FGF12: variants seen among roughly 807,000 people sequenced by gnomAD.
FGF12 encodes fibroblast growth factor 12B.
FGF12 carries 14 observed loss-of-function variants against 23.6 expected under a neutral mutation model. The ratio of observed to expected loss-of-function variants is 0.59; its 90% CI spans 0.39 to 0.93. FGF12 has a LOEUF of 0.93. FGF12 is among the 40% of genes least tolerant of loss of function. The probability of loss-of-function intolerance (pLI) is 0.00; values close to 1 mark genes in which losing one functional copy is unlikely to be tolerated. For synonymous variants in FGF12, 62 were observed against 77.3 expected (o/e 0.80, Z 1.04); for missense variants, 175 against 217.8 (o/e 0.80, Z 1.24).
chr3:192,215,671 T>C (rs777534781), intron 4 of FGF12, among the ~76,000 whole-genome samples: 9 of 152,206 alleles, frequency 5.9e-5, no homozygotes, highest in Admixed American at 6.5e-5. Flanking sequence ...TCTCTCCAAA[T>C]AGCTCAGAGC....
intron 4 of FGF12, among the ~76,000 whole-genome samples, chr3:192,171,700 A>C (rs573265042): frequency 6.6e-6 from 1 of 152,306 alleles, no homozygotes; most frequent in African/African-American, 2.4e-5. Context: ...CACCACAGTC[A>C]CCATCTTCCT....
intron 2 of FGF12, among the ~76,000 whole-genome samples, chr3:192,488,737 A>C (rs76226586): frequency 0.062 from 9,447 of 152,088 alleles, 1,013 homozygotes; most frequent in African/African-American, 0.22. Flanking sequence ...TTTATAGACT[A>C]ACCTGATTCC....
chr3:192,399,351 A>G (rs1720663295), intron 2 of FGF12, among the ~76,000 whole-genome samples: 1 of 152,170 alleles, frequency 6.6e-6, no homozygotes, highest in South Asian at 2.1e-4. Flanking sequence ...ACTGCCATCT[A>G]TGACTTAGGA....
At chr3:192,524,599 G>A (rs1724898169) in intron 2 of FGF12, among the ~76,000 whole-genome samples, 1 of 152,164 alleles carries the variant, frequency 6.6e-6, no homozygotes, top group African/African-American at 2.4e-5. Flanking sequence ...GCCCCTTTAA[G>A]GTGATTGTTA....
chr3:192,576,599 T>C (rs781418), intron 2 of FGF12, among the ~76,000 whole-genome samples: 102,928 of 152,028 alleles, frequency 0.68, 35,051 homozygotes, highest in African/African-American at 0.7. Flanking sequence ...AATGATTAAA[T>C]AAATGATAAT....
At chr3:192,567,468 G>A (rs1346413315) in intron 2 of FGF12, among the ~76,000 whole-genome samples, 1 of 152,116 alleles carries the variant, frequency 6.6e-6, no homozygotes, top group Non-Finnish European at 1.5e-5. Flanking sequence ...ATATGCCTGG[G>A]GGGAAAAGCA....
intron 4 of FGF12, among the ~76,000 whole-genome samples, chr3:192,221,553 A>G (rs1338433084): frequency 6.6e-6 from 1 of 152,204 alleles, no homozygotes; most frequent in East Asian, 1.9e-4. Context: ...GCCATCATGA[A>G]TAACCAACTG....
At chr3:192,313,379 C>T (rs1323325190) in intron 4 of FGF12, among the ~76,000 whole-genome samples, 2 of 152,168 alleles carry the variant, frequency 1.3e-5, no homozygotes, top group African/African-American at 2.4e-5. Flanking sequence ...ATTGCTATGT[C>T]CTTTTTCATG....
chr3:192,617,853 A>T (rs1714820846), intron 2 of FGF12, among the ~76,000 whole-genome samples: 1 of 152,144 alleles, frequency 6.6e-6, no homozygotes, highest in South Asian at 2.1e-4. Flanking sequence ...CCCACATGGT[A>T]GTTTATGAAT....
At chr3:192,241,749 T>C (rs917129109) in intron 4 of FGF12, among the ~76,000 whole-genome samples, 6 of 152,192 alleles carry the variant, frequency 3.9e-5, no homozygotes, top group African/African-American at 1.4e-4. Flanking sequence ...AAAGGATGTC[T>C]GCTTGTTCTG....
chr3:192,695,882 T>C (rs1472022526), intron 2 of FGF12, among the ~76,000 whole-genome samples: 1 of 152,104 alleles, frequency 6.6e-6, no homozygotes, highest in Non-Finnish European at 1.5e-5. Flanking sequence ...GTGGATCACT[T>C]AAGGTCAGAA....
chr3:192,351,692 G>A (rs539100431), intron 3 of FGF12, among the ~76,000 whole-genome samples: 25 of 152,316 alleles, frequency 1.6e-4, no homozygotes, highest in Admixed American at 1.6e-3. Flanking sequence ...GGGCAAATAA[G>A]GAAGTCATAC....
At chr3:192,506,737 C>A (rs1362584206) in intron 2 of FGF12, among the ~76,000 whole-genome samples, 1 of 151,888 alleles carries the variant, frequency 6.6e-6, no homozygotes, top group Non-Finnish European at 1.5e-5. Context: ...GCTTTAGATT[C>A]TATTTATAAT....
At chr3:192,618,692 AAAAG>A (rs1244473097) in intron 2 of FGF12, among the ~76,000 whole-genome samples, 2 of 152,136 alleles carry the variant, frequency 1.3e-5, no homozygotes, top group African/African-American at 4.8e-5. Context: ...TCACAGATGA[AAAAG>A]AAAGGTAATA....
chr3:192,585,784 GA>G (rs1296554527), intron 2 of FGF12, among the ~76,000 whole-genome samples: 1 of 152,080 alleles, frequency 6.6e-6, no homozygotes, highest in Non-Finnish European at 1.5e-5. Flanking sequence ...TGGGGAAGGG[GA>G]TAACTGTATT....
intron 5 of FGF12, among the ~76,000 whole-genome samples, chr3:192,145,739 T>C (rs951366506): frequency 5.3e-5 from 8 of 152,220 alleles, no homozygotes; most frequent in Non-Finnish European, 1.2e-4. Flanking sequence ...TTGGCTGAAG[T>C]AACAGAGTAT....
intron 2 of FGF12, among the ~76,000 whole-genome samples, chr3:192,564,030 GTTTTTTGTTT>G (rs1712158219): frequency 7.2e-6 from 1 of 138,874 alleles, no homozygotes; most frequent in African/African-American, 2.9e-5. Flanking sequence ...ACTATGTGTA[GTTTTTTGTTT>G]TTTTTTGTTT....
chr3:192,359,792 T>TCC (rs141233440), intron 3 of FGF12, among the ~76,000 whole-genome samples: 7 of 150,796 alleles, frequency 4.6e-5, no homozygotes, highest in African/African-American at 1.7e-4. Context: ...CATTTTTATT[T>TCC]CCCCCCCCAA....
intron 4 of FGF12, among the ~76,000 whole-genome samples, chr3:192,275,686 T>G (rs1458114507): frequency 6.6e-6 from 1 of 152,210 alleles, no homozygotes; most frequent in Non-Finnish European, 1.5e-5. Flanking sequence ...AATGGTAAGA[T>G]ATCCTTTTTA....
Sources: gnomAD v4.1 joint callset for allele counts (sites outside exome capture counted in the v4.1 genomes callset) on GRCh38, gnomAD v4.1.1 for gene constraint, MANE v1.5 for transcripts, NCBI Gene and HGNC (gene_info 2026-07-23, HGNC 2026-07-21) for gene names.